CFAP221: variants seen among roughly 807,000 people sequenced by gnomAD.
CFAP221 encodes cilia- and flagella-associated protein 221.
In CFAP221, 97 loss-of-function variants were observed where a neutral mutation model predicts 113.1. The ratio of observed to expected loss-of-function variants is 0.86; its 90% CI spans 0.73 to 1.02. The LOEUF is 1.02. CFAP221 is among the 50% of genes least tolerant of loss of function. CFAP221 has a pLI of 0.00. For missense variants in CFAP221, 1,025 were observed against 1,013.4 expected (o/e 1.01, Z -0.16); for synonymous variants, 331 against 354.4 (o/e 0.93, Z 0.74).
chr2:119,596,501 A>G (rs1334653268), intron 7 of CFAP221, among the ~76,000 whole-genome samples: 2 of 152,164 alleles, frequency 1.3e-5, no homozygotes, highest in Non-Finnish European at 1.5e-5. Context: ...CTCCTTCTCC[A>G]CATCCCCCCA....
At chr2:119,615,581 G>A (rs771107603) in intron 13 of CFAP221, 30 bp from the exon 14 acceptor site, 4 of 1,474,132 alleles carry the variant, frequency 2.7e-6, no homozygotes, top group Non-Finnish European at 3.7e-6. Flanking sequence ...AAATTTAAAT[G>A]TAAGATGTGC....
intron 19 of CFAP221, among the ~76,000 whole-genome samples, chr2:119,637,789 T>C (rs1687208855): frequency 6.6e-6 from 1 of 152,244 alleles, no homozygotes; most frequent in African/African-American, 2.4e-5. Context: ...CAATGTTAAA[T>C]GTTGACATTT....
intron 7 of CFAP221, among the ~76,000 whole-genome samples, chr2:119,588,267 G>A (rs756843168): frequency 5.9e-5 from 9 of 152,160 alleles, no homozygotes; most frequent in African/African-American, 1.7e-4. Flanking sequence ...GATGGGAGCC[G>A]TTTTAGACAG....
intron 6 of CFAP221, among the ~76,000 whole-genome samples, chr2:119,567,776 T>G (rs1042643998): frequency 6.6e-6 from 1 of 152,258 alleles, no homozygotes; most frequent in Admixed American, 6.5e-5. Context: ...ATGTTCACAG[T>G]GATTACTGAT....
At chr2:119,659,676 A>G (rs1688552502), downstream of CFAP221, among the ~76,000 whole-genome samples, 1 of 27,572 alleles carries the variant, frequency 3.6e-5, no homozygotes, top group Admixed American at 4.5e-4. Flanking sequence ...TTAACCAGTC[A>G]CTGGCCTGAC....
downstream of CFAP221, among the ~76,000 whole-genome samples, chr2:119,659,962 A>G (rs1485415616): frequency 6.6e-6 from 1 of 152,206 alleles, no homozygotes; most frequent in Non-Finnish European, 1.5e-5. Flanking sequence ...TCGTTCACCA[A>G]CATCCAACCA....
chr2:119,628,243 A>G (rs1414952782), intron 16 of CFAP221, among the ~76,000 whole-genome samples: 1 of 146,030 alleles, frequency 6.8e-6, no homozygotes, highest in African/African-American at 2.5e-5. Flanking sequence ...GAAACTGACA[A>G]TCTAACCCAT....
rs1684610728 is a variant in CFAP221, at chr2:119,604,760, C to T, written c.880C>T (p.Pro294Ser). 2 of 1,544,028 alleles carry T rather than the reference C, an allele frequency of 1.3e-6. No individual in the cohort carries two copies. Among genetic ancestry groups the T allele is most frequent in the Non-Finnish European group, 1.7e-6 (2 of 1,149,466 alleles). ...AATGATGCATATAAATTTTCACCGACCGCCAGCGAAGCCGAAGCCTCAGAA... is the reference window on the plus strand; with the variant it reads ...AATGATGCATATAAATTTTCACCGATCGCCAGCGAAGCCGAAGCCTCAGAA... ...KAMMHINFHR[P>S]PAKPKPQKVK... Residue 294 changes from proline (P) to serine (S), a missense_variant, in exon 9 of 24, where the codon CCG (proline) becomes TCG (serine). Transcript: ENST00000413369.
In CFAP221 at chr2:119,656,345, G is replaced by T; in HGVS notation, c.2415-17G>T. ...TAAGTGTCCTCATGTTTCCTTCTTG[G>T]GTTTTTTGATACTCAGAGAAGTGAA... On this transcript the variant is annotated splice_polypyrimidine_tract_variant and intron_variant, in intron 23 of 23. Coordinates refer to ENST00000413369, the MANE Select transcript of CFAP221 (RefSeq NM_001271049.2). 6.2e-7 allele frequency: 1 copy of T among 1,608,468 alleles called. No homozygotes were observed. The highest frequency in any genetic ancestry group is 8.5e-7 in the Non-Finnish European group (1 of 1,174,866).
At chr2:119,625,021 TA>T (rs111892225) in intron 14 of CFAP221, among the ~76,000 whole-genome samples, 2,573 of 142,172 alleles carry the variant, frequency 0.018, 58 homozygotes, top group African/African-American at 0.055. Context: ...CAGTATATAT[TA>T]AAAAAAAAAA....
chr2:119,585,075 AATT>A (rs544920973), intron 6 of CFAP221, among the ~76,000 whole-genome samples: 7 of 152,228 alleles, frequency 4.6e-5, no homozygotes, highest in Non-Finnish European at 8.8e-5. Flanking sequence ...AGTGTGGTAT[AATT>A]ATATAACAGA....
At chr2:119,654,349 C>T (rs1377923619) in intron 23 of CFAP221, among the ~76,000 whole-genome samples, 1 of 152,132 alleles carries the variant, frequency 6.6e-6, no homozygotes, top group East Asian at 1.9e-4. Flanking sequence ...CACATAGATG[C>T]ACTTTGTGTT....
chr2:119,643,860 A>C (rs547908746), intron 21 of CFAP221, among the ~76,000 whole-genome samples: 1 of 152,102 alleles, frequency 6.6e-6, no homozygotes, highest in African/African-American at 2.4e-5. Flanking sequence ...ATTAAAATTA[A>C]ACAAAGCAAC....
At chr2:119,572,922 T>G (rs2104574774) in intron 6 of CFAP221, 1 of 263,288 alleles carries the variant, frequency 3.8e-6, no homozygotes, top group South Asian at 1.6e-4. Context: ...CTTTAGCTTC[T>G]TGAACTTTTA....
chr2:119,601,706 C>T lies in CFAP221; in HGVS notation c.791+329C>T, dbSNP rs1558950057. 3 of 199,012 alleles carry T rather than the reference C, an allele frequency of 1.5e-5. No homozygotes were observed. In the South Asian group the frequency reaches 5.1e-4, roughly 34 times the overall value. 12.3% of individuals were successfully genotyped at this position (199,012 alleles called of 1,614,324 possible). On this transcript the variant is annotated intron_variant, in intron 8 of 23. Coordinates refer to ENST00000413369, the MANE Select transcript of CFAP221 (RefSeq NM_001271049.2). Reference sequence around the variant, plus strand: ...CTAGTCGAAAATTTAAACAATAGGGCCAGAACAACATAACTGTTTTTAAGG... The same window carrying T: ...CTAGTCGAAAATTTAAACAATAGGGTCAGAACAACATAACTGTTTTTAAGG...
At chr2:119,563,678 C>A (rs1308388703) in intron 6 of CFAP221, among the ~76,000 whole-genome samples, 1 of 152,196 alleles carries the variant, frequency 6.6e-6, no homozygotes, top group Non-Finnish European at 1.5e-5. Flanking sequence ...CTGTGAAGTG[C>A]TGATGGGTTG....
At chr2:119,615,828 C>A (rs932219854) in intron 14 of CFAP221, 119 bp downstream of exon 14, 7 of 713,806 alleles carry the variant, frequency 9.8e-6, no homozygotes, top group Non-Finnish European at 1.3e-5. Flanking sequence ...TAAAATTCAC[C>A]CTTGTAAAAT....
At chr2:119,647,505 A>G (rs977230484) in intron 22 of CFAP221, among the ~76,000 whole-genome samples, 2 of 152,214 alleles carry the variant, frequency 1.3e-5, no homozygotes, top group African/African-American at 4.8e-5. Flanking sequence ...ATGGCTACAG[A>G]CACAGCAGCA....
At chr2:119,627,544 T>G in intron 15 of CFAP221, 109 bp from the exon 16 acceptor site, 1 of 700,130 alleles carries the variant, frequency 1.4e-6, no homozygotes, top group Non-Finnish European at 2.2e-6. Flanking sequence ...TATATATATA[T>G]ACACACCCAC....
Sources: allele counts gnomAD v4.1 joint callset (sites outside exome capture counted in the v4.1 genomes callset), GRCh38; gene constraint gnomAD v4.1.1; transcripts MANE v1.5; gene names NCBI Gene and HGNC (gene_info 2026-07-23, HGNC 2026-07-21).